The following SERINC4 variants were observed in gnomAD, a reference collection of about 807,000 sequenced individuals.
SERINC4 encodes serine incorporator 4.
SERINC4 carries 52 observed loss-of-function variants against 52.0 expected under a neutral mutation model. The observed-to-expected ratio is 1.00, with a 90% confidence interval of 0.80 to 1.26. The LOEUF (loss-of-function observed/expected upper bound fraction) is 1.26, where lower values mean the gene tolerates loss of function less well. Ranked by LOEUF, SERINC4 falls within the 50% of genes most tolerant of loss-of-function variation. The probability of loss-of-function intolerance (pLI) is 0.00; values close to 1 mark genes in which losing one functional copy is unlikely to be tolerated. For missense variants in SERINC4, 723 were observed against 632.8 expected (o/e 1.14, Z -1.53); for synonymous variants, 264 against 247.7 (o/e 1.07, Z -0.62).
In SERINC4 at chr15:43,795,173, T is replaced by C. The variant is rs759313204; in HGVS notation, c.1384A>G (p.Ser462Gly). 2 of 1,614,162 alleles carry C rather than the reference T, an allele frequency of 1.2e-6. No homozygotes were observed. Among genetic ancestry groups the C allele is most frequent in the Non-Finnish European group, 1.7e-6 (2 of 1,180,030 alleles). The stretch of plus-strand genomic sequence containing the variant: ...ACCTTGACCCAGAAGGTGGCCCAGC[T>C]ACCCTTGATGAAGGTCTTTTCCAGT... ...AELEKTFIKGSWATFWVKVAS... is the reference protein window; with the variant it reads ...AELEKTFIKGGWATFWVKVAS... Residue 462 changes from serine to glycine, a missense_variant, in exon 12 of 12, where the codon AGC (serine) becomes GGC (glycine). Transcript: ENST00000319327.
chr15:43,794,590 C>G lies in SERINC4; in HGVS notation c.*410G>C. The stretch of plus-strand genomic sequence containing the variant: ...CCCTGGTTTGTTCTGTGGTTCTGGG[C>G]TTCTTATATCCGTGTGCCCAGGGCT... On this transcript the variant is annotated 3_prime_UTR_variant, in exon 12 of 12. Transcript: ENST00000319327. 5.8e-6 allele frequency: 1 copy of G among 172,856 alleles called. No individual in the cohort carries two copies. The highest frequency in any genetic ancestry group is 5.6e-5 in the Admixed American group (1 of 17,970). 10.7% of individuals were successfully genotyped at this position (172,856 alleles called of 1,614,324 possible).
intron 11 of SERINC4, 52 bp downstream of exon 11, chr15:43,795,336 C>G (rs982950512): frequency 1.2e-5 from 19 of 1,608,654 alleles, no homozygotes; most frequent in Non-Finnish European, 1.6e-5. Flanking sequence ...ATTGCTCTTT[C>G]CTTAAAATAG....
At chr15:43,797,867 A>G in intron 5 of SERINC4, 53 bp downstream of exon 5, 1 of 1,295,206 alleles carries the variant, frequency 7.7e-7, no homozygotes, top group Non-Finnish European at 1.1e-6. Flanking sequence ...CTTTCCATGT[A>G]GTAATACTAG....
intron 9 of SERINC4, 105 bp from the exon 10 acceptor site, chr15:43,795,841 G>A: frequency 8.6e-7 from 1 of 1,163,736 alleles, no homozygotes. Flanking sequence ...AAAAGTGGAG[G>A]CACACCTGGG....
rs1351656238 is a variant in SERINC4 at position 43,799,494 on chromosome 15, T to C, written c.103-8A>G. ...AGGCCCACAGCAGCACACCTGGGAG[T>C]AGAGCAGATGCAAGGCAGCGAGGTG... On this transcript the variant is annotated splice_region_variant and splice_polypyrimidine_tract_variant and intron_variant, in intron 1 of 11. Transcript: ENST00000319327. 1 of 1,550,636 alleles carries C rather than the reference T, an allele frequency of 6.4e-7. No individual in the cohort carries two copies. Among genetic ancestry groups the C allele is most frequent in the Admixed American group, 2.0e-5 (1 of 50,994 alleles).
At chr15:43,799,196 C>G (rs747332225) in intron 2 of SERINC4, 59 bp from the exon 3 acceptor site, 34 of 1,515,208 alleles carry the variant, frequency 2.2e-5, no homozygotes, top group Middle Eastern at 1.9e-4. Context: ...AAGGTACCTA[C>G]TTGTCACGGG....
chr15:43,796,550 C>T, intron 8 of SERINC4, 66 bp downstream of exon 8: 1 of 1,552,114 alleles, frequency 6.4e-7, no homozygotes, highest in Non-Finnish European at 8.9e-7. Context: ...CAGACATTGT[C>T]CTGACCATCC....
At chr15:43,798,140 C>T in intron 4 of SERINC4, 127 bp from the exon 5 acceptor site, 1 of 686,398 alleles carries the variant, frequency 1.5e-6, no homozygotes, top group Non-Finnish European at 2.5e-6. Flanking sequence ...ACCTCTGCCT[C>T]CCGGGTTCAA....
chr15:43,795,343 ATAGC>A (rs1484317774), intron 11 of SERINC4, 41 bp downstream of exon 11: 21 of 1,610,618 alleles, frequency 1.3e-5, no homozygotes, highest in Non-Finnish European at 1.8e-5. Flanking sequence ...TTTCCTTAAA[ATAGC>A]TAGCTCTTCA....
chr15:43,799,764 G>A, intron 1 of SERINC4, 121 bp downstream of exon 1: 1 of 886,654 alleles, frequency 1.1e-6, no homozygotes, highest in East Asian at 2.6e-5. Flanking sequence ...GAGATTTACA[G>A]ATTATACCTG....
At chr15:43,795,335 TC>T in intron 11 of SERINC4, 52 bp downstream of exon 11, 1 of 1,608,878 alleles carries the variant, frequency 6.2e-7, no homozygotes, top group Non-Finnish European at 8.5e-7. Context: ...AATTGCTCTT[TC>T]CTTAAAATAG....
chr15:43,794,694 C>T lies in SERINC4; in HGVS notation c.*306G>A. Reference sequence around the variant, plus strand: ...GGTCTTTCCCCACCCCCACTTCCAGCCCAAGAGCCAGGAAAGGGCTGGTGC... The same window carrying T: ...GGTCTTTCCCCACCCCCACTTCCAGTCCAAGAGCCAGGAAAGGGCTGGTGC... On this transcript the variant is annotated 3_prime_UTR_variant, in exon 12 of 12. Transcript: ENST00000319327. 1 of 294,904 alleles carries T rather than the reference C, an allele frequency of 3.4e-6. No homozygotes were observed. Among genetic ancestry groups the T allele is most frequent in the Non-Finnish European group, 6.4e-6 (1 of 156,608 alleles). 18.3% of individuals were successfully genotyped at this position (294,904 alleles called of 1,614,324 possible). A position where few individuals can be genotyped will look rare whatever the true frequency, so the allele number is the denominator to read the frequency against.
Position 43,795,017 on chromosome 15 carries a change from T to C in SERINC4, c.1540A>G (p.Lys514Glu). 1 of 1,611,214 alleles carries C rather than the reference T, an allele frequency of 6.2e-7. No individual in the cohort carries two copies. Among genetic ancestry groups the C allele is most frequent in the Non-Finnish European group, 8.5e-7 (1 of 1,179,462 alleles). The change falls in exon 12 of 12, where the codon AAA (lysine) becomes GAA (glutamate). Residue 514 changes from lysine (K) to glutamate (E), a missense_variant. Transcript: ENST00000319327. The part of the protein sequence containing the change: ...RRHRIISPDN[K>E]YPPV ...AAAAGGACTTAGACTGGAGGATATT[T>C]GTTATCTGGGGATATGATGCGGTGG... is the stretch of plus-strand genomic sequence containing the variant.
chr15:43,796,759 G>A lies in SERINC4; in HGVS notation c.941-17C>T. 3.7e-6 allele frequency: 6 copies of A among 1,614,182 alleles called. No homozygotes were observed. Among genetic ancestry groups the A allele is most frequent in the Non-Finnish European group, 5.1e-6 (6 of 1,179,996 alleles). Reference sequence around the variant, plus strand: ...GAAGGATTACTGGGAAGGGACAACAGAAGAGATGGGTATTAACAATGAGCT... The same window carrying A: ...GAAGGATTACTGGGAAGGGACAACAAAAGAGATGGGTATTAACAATGAGCT... On this transcript the variant is annotated splice_polypyrimidine_tract_variant and intron_variant, in intron 7 of 11. Coordinates refer to ENST00000319327, the MANE Select transcript of SERINC4 (RefSeq NM_001258031.2).
In SERINC4 at chr15:43,796,575, C is replaced by T. The variant is rs769009553; in HGVS notation, c.1067+41G>A. ...CCTGACCATCCTTCCCTGTCTTGGG[C>T]ACCCTCCTTTCATACCTCCACCCTT... On this transcript the variant is annotated intron_variant, in intron 8 of 11. Transcript: ENST00000319327. 1.9e-6 allele frequency: 3 copies of T among 1,608,420 alleles called. No individual in the cohort carries two copies. The African/African-American group carries it at 4.0e-5, about 21-fold the overall frequency.
chr15:43,795,245 T>C (rs1314136455), intron 11 of SERINC4, 32 bp from the exon 12 acceptor site: 2 of 1,608,514 alleles, frequency 1.2e-6, no homozygotes, highest in South Asian at 1.1e-5. Context: ...TTAGAGAATA[T>C]GAAGGGCCTT....
chr15:43,799,792 G>T, intron 1 of SERINC4, 93 bp downstream of exon 1: 2 of 1,014,114 alleles, frequency 2.0e-6, no homozygotes, highest in South Asian at 1.4e-5. Flanking sequence ...GAACCAGAAC[G>T]ACATTAGAGG....
rs775695364 is a variant in SERINC4, at chr15:43,796,165, T to C, written c.1130A>G (p.Tyr377Cys). ...GCTCTTTATCCTCACCTGAAACTCATAGCTGTAAACCTTGACAATCCACAG... is the reference window on the plus strand; with the variant it reads ...GCTCTTTATCCTCACCTGAAACTCACAGCTGTAAACCTTGACAATCCACAG... ...GPLWIVKVYS[Y>C]EFQKPSLCFC... Residue 377 changes from tyrosine to cysteine, a missense_variant, in exon 9 of 12, where the codon TAT becomes TGT. By Grantham distance (194) the Tyr-to-Cys change is radical. Transcript: ENST00000319327. 49 of 1,613,000 alleles carry C rather than the reference T, an allele frequency of 3.0e-5. No homozygotes were observed. Among genetic ancestry groups the C allele is most frequent in the Non-Finnish European group, 4.1e-5 (48 of 1,179,136 alleles).
rs1259205027 is a variant in SERINC4, at chr15:43,795,196, A to G, written c.1361T>C (p.Leu454Pro). ...GCTACCCTTGATGAAGGTCTTTTCC[A>G]GTTCTGCTCCCTCATAGCTGTGTAA... is the stretch of plus-strand genomic sequence containing the variant. The part of the protein sequence containing the change: ...TNWFSYEGAE[L>P]EKTFIKGSWA... Residue 454 changes from leucine (L) to proline (P), a missense_variant, in exon 12 of 12, where the codon CTG becomes CCG. Transcript: ENST00000319327. 1 of 1,613,996 alleles carries G rather than the reference A, an allele frequency of 6.2e-7. No homozygotes were observed. The highest frequency in any genetic ancestry group is 8.5e-7 in the Non-Finnish European group (1 of 1,180,030).
Sources: allele counts gnomAD v4.1 joint callset, GRCh38; gene constraint gnomAD v4.1.1; transcripts MANE v1.5; gene names NCBI Gene and HGNC (gene_info 2026-07-23, HGNC 2026-07-21).